PKIB: variants seen among roughly 807,000 people sequenced by gnomAD.
PKIB encodes the protein cAMP-dependent protein kinase inhibitor beta.
In PKIB, 2 loss-of-function variants were observed where a neutral mutation model predicts 4.5. The ratio of observed to expected loss-of-function variants is 0.44; its 90% CI spans 0.18 to 1.39. The LOEUF (loss-of-function observed/expected upper bound fraction) is 1.39, where lower values mean the gene tolerates loss of function less well. Among genes scored for constraint, PKIB ranks in the 40% most tolerant of loss-of-function variants. PKIB has a pLI of 0.27. For synonymous variants in PKIB, 38 were observed against 36.0 expected (o/e 1.06, Z -0.20); for missense variants, 94 against 92.6 (o/e 1.02, Z -0.06).
intron 2 of PKIB, among the ~76,000 whole-genome samples, chr6:122,549,556 A>C (rs1772607654): frequency 6.6e-6 from 1 of 152,142 alleles, no homozygotes; most frequent in African/African-American, 2.4e-5. Flanking sequence ...CTGGGTATTC[A>C]GTCAATTCTT....
At chr6:122,605,611 AGACTCTCCCTTAATACCAAG>A (rs1366676638), upstream of PKIB, among the ~76,000 whole-genome samples, 1 of 152,152 alleles carries the variant, frequency 6.6e-6, no homozygotes, top group African/African-American at 2.4e-5. Flanking sequence ...GTCATCCTGT[AGACTCTCCCTTAATACCAAG>A]GAACCACATA....
In PKIB at chr6:122,543,159, C is replaced by T. The variant is rs544514276; in HGVS notation, c.-247-42762C>T. Among the ~76,000 whole-genome samples, 326 of 152,182 alleles carry T rather than the reference C, an allele frequency of 2.1e-3. 7 individuals carry two copies. Among genetic ancestry groups the T allele is most frequent in the African/African-American group, 7.1e-3 (294 of 41,460 alleles). On this transcript the variant is annotated intron_variant, in intron 2 of 6. Transcript: ENST00000392491. Reference sequence around the variant, plus strand: ...GGAAAGGGAACTCCCTCACCCCTTGCGCGTCCCGAGTGAGGCAATGCCTCG... The same window carrying T: ...GGAAAGGGAACTCCCTCACCCCTTGTGCGTCCCGAGTGAGGCAATGCCTCG...
intron 2 of PKIB, among the ~76,000 whole-genome samples, chr6:122,566,487 G>T (rs1773198498): frequency 6.6e-6 from 1 of 151,908 alleles, no homozygotes; most frequent in African/African-American, 2.4e-5. Flanking sequence ...ATTTTTGAAT[G>T]ATCTTTATAC....
At chr6:122,579,554 C>G in intron 2 of PKIB, among the ~76,000 whole-genome samples, 1 of 152,060 alleles carries the variant, frequency 6.6e-6, no homozygotes, top group East Asian at 1.9e-4. Context: ...ATTTATGGCT[C>G]TTTAATCAAT....
chr6:122,612,954 A>G (rs1391025752), intron 1 of PKIB, among the ~76,000 whole-genome samples: 1 of 152,206 alleles, frequency 6.6e-6, no homozygotes, highest in Non-Finnish European at 1.5e-5. Flanking sequence ...ATGATGTTAT[A>G]TGTATATAGA....
chr6:122,601,788 TA>T (rs1377770540), intron 3 of PKIB, among the ~76,000 whole-genome samples: 4 of 152,214 alleles, frequency 2.6e-5, no homozygotes, highest in African/African-American at 7.2e-5. Context: ...AAAACTGTGT[TA>T]ATCAACTGTT....
rs1057071036 is a variant in PKIB, at chr6:122,484,713, C to T, written c.-248+6774C>T. Among the ~76,000 whole-genome samples the T allele has an allele frequency of 2.6e-5, 4 of 152,024 alleles. No homozygotes were observed. The East Asian group carries it at 7.7e-4, about 29-fold the overall frequency. ...TTTCTTAAATGTGTATGATCTCAAA[C>T]CCTGAAACAAAACAACATATCACAT... On this transcript the variant is annotated intron_variant, in intron 2 of 6. Coordinates refer to the PKIB transcript ENST00000392491.
chr6:122,561,594 C>T (rs113412701), intron 2 of PKIB, among the ~76,000 whole-genome samples: 251 of 151,450 alleles, frequency 1.7e-3, no homozygotes, highest in African/African-American at 5.8e-3. Flanking sequence ...TTTGGGAGCT[C>T]CAGTGTATGG....
chr6:122,687,276 T>C (rs918307472), intron 3 of PKIB, among the ~76,000 whole-genome samples: 1 of 152,226 alleles, frequency 6.6e-6, no homozygotes, highest in Non-Finnish European at 1.5e-5. Flanking sequence ...GAGTTTACTG[T>C]AGATGTATAG....
intron 2 of PKIB, among the ~76,000 whole-genome samples, chr6:122,514,284 T>C (rs1776677787): frequency 1.3e-5 from 2 of 152,184 alleles, no homozygotes; most frequent in African/African-American, 4.8e-5. Flanking sequence ...TCACATTCCC[T>C]GTATGCCTGG....
intron 4 of PKIB, among the ~76,000 whole-genome samples, chr6:122,721,609 G>T (rs1468345207): frequency 6.6e-6 from 1 of 152,080 alleles, no homozygotes. Context: ...AGTAGAAAAG[G>T]CAGTTGATAC....
chr6:122,489,222 TTTATTATTA>T (rs61079139), intron 2 of PKIB, among the ~76,000 whole-genome samples: 11 of 148,972 alleles, frequency 7.4e-5, no homozygotes, highest in East Asian at 5.9e-4. Flanking sequence ...TAGTATTTCA[TTTATTATTA>T]TTATTATTAT....
At chr6:122,541,044 C>T (rs1777580360) in intron 2 of PKIB, among the ~76,000 whole-genome samples, 2 of 151,308 alleles carry the variant, frequency 1.3e-5, no homozygotes, top group South Asian at 4.2e-4. Flanking sequence ...GGTAGATCTT[C>T]CTCCATCCTT....
At chr6:122,520,991 A>C (rs1176077058) in intron 2 of PKIB, among the ~76,000 whole-genome samples, 1 of 152,226 alleles carries the variant, frequency 6.6e-6, no homozygotes, top group Non-Finnish European at 1.5e-5. Flanking sequence ...CGGATGAGGC[A>C]AAACTTTGTG....
chr6:122,647,589 T>A (rs985412378), intron 2 of PKIB, among the ~76,000 whole-genome samples: 1 of 152,250 alleles, frequency 6.6e-6, no homozygotes, highest in Non-Finnish European at 1.5e-5. Context: ...GGATGCAATG[T>A]CATTCACTGT....
intron 4 of PKIB, among the ~76,000 whole-genome samples, chr6:122,721,321 G>C (rs146169312): frequency 6.6e-6 from 1 of 152,140 alleles, no homozygotes; most frequent in African/African-American, 2.4e-5. Context: ...AAATTATTTT[G>C]GGTGTTAATG....
At chr6:122,632,012 G>T (rs1775722858) in intron 1 of PKIB, among the ~76,000 whole-genome samples, 1 of 152,188 alleles carries the variant, frequency 6.6e-6, no homozygotes, top group Non-Finnish European at 1.5e-5. Context: ...GTGGAGGATG[G>T]ATTCGAAGGG....
intron 3 of PKIB, among the ~76,000 whole-genome samples, chr6:122,699,911 A>G: frequency 6.6e-6 from 1 of 152,120 alleles, no homozygotes; most frequent in Non-Finnish European, 1.5e-5. Flanking sequence ...ATATGCCAGA[A>G]CTCCCCTAAT....
chr6:122,686,367 C>T (rs765112588), intron 3 of PKIB, among the ~76,000 whole-genome samples: 31 of 152,058 alleles, frequency 2.0e-4, no homozygotes, highest in Non-Finnish European at 3.2e-4. Context: ...AGGATGGTAT[C>T]TCATTGGTTT....
Sources: allele counts gnomAD v4.1 joint callset (sites outside exome capture counted in the v4.1 genomes callset), GRCh38; gene constraint gnomAD v4.1.1; transcripts MANE v1.5; gene names NCBI Gene and HGNC (gene_info 2026-07-23, HGNC 2026-07-21).